Variants in MED13 observed in about 807,000 individuals in gnomAD.
The protein encoded by MED13 is mediator of RNA polymerase II transcription subunit 13.
A neutral mutation model predicts 225.2 loss-of-function variants in MED13; 23 were observed. That is an observed-to-expected ratio of 0.10 (90% confidence interval 0.07 to 0.14). MED13 has a LOEUF of 0.14. Ranked by LOEUF, MED13 falls within the 10% of genes least tolerant of loss-of-function variation. The pLI is 1.00. For missense variants in MED13, 2,197 were observed against 2,594.5 expected (o/e 0.85, Z 3.33); for synonymous variants, 942 against 889.2 (o/e 1.06, Z -1.06).
chr17:62,029,232 A>G, intron 8 of MED13: 1 of 249,294 alleles, frequency 4.0e-6, no homozygotes, highest in Non-Finnish European at 7.5e-6. Context: ...TTCTCAAGAG[A>G]TTTATATGGC....
intron 23 of MED13, among the ~76,000 whole-genome samples, chr17:61,960,387 C>T (rs1166939320): frequency 6.6e-6 from 1 of 152,104 alleles, no homozygotes; most frequent in Non-Finnish European, 1.5e-5. Context: ...TCTCCTGCCT[C>T]AGCCTCCTGA....
At chr17:62,033,039 ACT>A (rs1258443949) in intron 5 of MED13, among the ~76,000 whole-genome samples, 2 of 151,980 alleles carry the variant, frequency 1.3e-5, no homozygotes, top group African/African-American at 4.8e-5. Context: ...AATCCCAGCT[ACT>A]CTCAAGACTG....
intron 10 of MED13, among the ~76,000 whole-genome samples, chr17:61,993,847 C>T (rs1385537830): frequency 6.6e-6 from 1 of 151,782 alleles, no homozygotes; most frequent in Non-Finnish European, 1.5e-5. Context: ...AGGAGAATCA[C>T]TTGAATCAGG....
chr17:61,959,543 A>ATAAAGCT (rs1480199528), intron 23 of MED13, among the ~76,000 whole-genome samples: 1 of 152,154 alleles, frequency 6.6e-6, no homozygotes, highest in Non-Finnish European at 1.5e-5. Context: ...GGTTTATAAT[A>ATAAAGCT]TAAAGCTTAA....
rs769730058 is a variant in MED13, at chr17:61,956,464, C to T, written c.5498G>A (p.Ser1833Asn). Residue 1833 changes from serine (S) to asparagine (N), a missense_variant, in exon 24 of 30, where the codon AGT (serine) becomes AAT (asparagine). Transcript: ENST00000397786. ...CTGTAGACCAAATTTTCTAGCAGAA[C>T]TTTTTTTCCGACGAGCCCTATTGTG... ...DVPNRARRKK[S>N]SARKFGLQKL... is the part of the protein sequence containing the mutation. 1 of 1,611,918 alleles carries T rather than the reference C, an allele frequency of 6.2e-7. No homozygotes were observed. The highest frequency in any genetic ancestry group is 8.5e-7 in the Non-Finnish European group (1 of 1,179,304).
chr17:62,052,762 A>T, intron 2 of MED13, 57 bp from the exon 3 acceptor site: 1 of 1,318,252 alleles, frequency 7.6e-7, no homozygotes, highest in East Asian at 2.5e-5. Flanking sequence ...ATTCAGAGCC[A>T]AGTAAAAAAG....
intron 15 of MED13, 58 bp from the exon 16 acceptor site, chr17:61,983,172 T>C (rs555826481): frequency 2.1e-4 from 287 of 1,340,830 alleles, no homozygotes; most frequent in Non-Finnish European, 2.8e-4. Context: ...ATATTAGTAA[T>C]GTGAAATACA....
chr17:62,029,953 G>A lies in MED13; in HGVS notation c.1070C>T (p.Ser357Phe), dbSNP rs1219690250. Residue 357 changes from serine to phenylalanine, a missense_variant, in exon 7 of 30, where the codon TCC becomes TTC. Physicochemically the swap from Ser to Phe is radical, Grantham distance 155. Transcript: ENST00000397786. ...CCCACCATGGTGGCTAGTACTATCG[G>A]AGTTGAAGCCATCAGATACTGAAGA... ...KFSSVSDGFN[S>F]DSTSHHGGKI... 1.2e-6 allele frequency: 2 copies of A among 1,613,644 alleles called. No homozygotes were observed. The highest frequency in any genetic ancestry group is 1.1e-5 in the South Asian group (1 of 91,018).
rs1411838018 is a variant in MED13, at chr17:61,982,832, A to G, written c.3171T>C (p.Val1057=). Residue 1057 remains valine, a synonymous_variant, in exon 16 of 30, where the codon GTT becomes GTC. Coordinates refer to ENST00000397786, the MANE Select transcript of MED13 (RefSeq NM_005121.3). The part of the protein sequence containing the change: ...TPSTCRPLNS[V]EPATVPSIPE... ...GGATGGAAGGGACAGTTGCAGGTTC[A>G]ACAGAATTAAGGGGTCTGCATGTAG... 3.1e-6 allele frequency: 5 copies of G among 1,614,216 alleles called. No homozygotes were observed. Among genetic ancestry groups the G allele is most frequent in the Admixed American group, 1.7e-5 (1 of 60,026 alleles).
intron 8 of MED13, among the ~76,000 whole-genome samples, chr17:62,014,808 C>A (rs1470732687): frequency 1.3e-5 from 2 of 152,128 alleles, no homozygotes; most frequent in East Asian, 3.8e-4. Flanking sequence ...CTGTACCCAG[C>A]TGAGGAACTG....
At chr17:61,995,010 C>G in intron 10 of MED13, 142 bp downstream of exon 10, 1 of 686,212 alleles carries the variant, frequency 1.5e-6, no homozygotes, top group Non-Finnish European at 2.4e-6. Context: ...CGCAGCCGGG[C>G]AAAAATAAGT....
chr17:61,985,399 C>T (rs558012633), intron 12 of MED13, among the ~76,000 whole-genome samples: 3 of 152,194 alleles, frequency 2.0e-5, no homozygotes, highest in Admixed American at 2.0e-4. Flanking sequence ...AGAGGCCGGA[C>T]ATGGTAGCTC....
chr17:61,995,221 A>G lies in MED13; in HGVS notation c.2112T>C (p.Asp704=). The part of the protein sequence containing the change: ...KIDPYAFVEG[D]EEFLFPDKKD... The stretch of plus-strand genomic sequence containing the variant: ...TTTTATCAGGAAAAAGGAATTCCTC[A>G]TCTCCTTCAACAAATGCATATGGAT... The change falls in exon 10 of 30, where the codon GAT becomes GAC. Residue 704 remains aspartate, a synonymous_variant. Coordinates refer to ENST00000397786, the MANE Select transcript of MED13 (RefSeq NM_005121.3). 1 of 1,613,846 alleles carries G rather than the reference A, an allele frequency of 6.2e-7. No individual in the cohort carries two copies. Among genetic ancestry groups the G allele is most frequent in the Non-Finnish European group, 8.5e-7 (1 of 1,179,912 alleles).
chr17:61,951,391 C>A (rs1410146523), intron 27 of MED13, among the ~76,000 whole-genome samples: 3 of 152,154 alleles, frequency 2.0e-5, no homozygotes, highest in African/African-American at 7.2e-5. Context: ...CTTTGTTAAT[C>A]TAGCACTATC....
chr17:62,044,614 C>T (rs983113264), intron 3 of MED13, among the ~76,000 whole-genome samples: 2 of 152,172 alleles, frequency 1.3e-5, no homozygotes, highest in African/African-American at 2.4e-5. Context: ...TATATGTATA[C>T]ACATAATGTA....
intron 16 of MED13, among the ~76,000 whole-genome samples, chr17:61,978,581 A>G (rs902926609): frequency 6.6e-6 from 1 of 152,076 alleles, no homozygotes; most frequent in African/African-American, 2.4e-5. Context: ...TGTAAAGTAA[A>G]TCTATTATTG....
At chr17:62,065,099 G>T in intron 1 of MED13, 41 bp downstream of exon 1, 1 of 1,502,406 alleles carries the variant, frequency 6.7e-7, no homozygotes, top group Non-Finnish European at 8.9e-7. Flanking sequence ...GGCGCACCTC[G>T]CGGCCCCCCT....
intron 16 of MED13, among the ~76,000 whole-genome samples, chr17:61,980,790 T>A (rs1241446911): frequency 6.6e-6 from 1 of 152,170 alleles, no homozygotes; most frequent in African/African-American, 2.4e-5. Flanking sequence ...TTGCCCAGGC[T>A]GGAGTGCAGT....
intron 9 of MED13, among the ~76,000 whole-genome samples, chr17:62,009,382 AT>A (rs1199464286): frequency 6.6e-6 from 1 of 152,212 alleles, no homozygotes; most frequent in Non-Finnish European, 1.5e-5. Flanking sequence ...CATGCAAATA[AT>A]ACATCAGAAA....
Sources: gnomAD v4.1 joint callset for allele counts (sites outside exome capture counted in the v4.1 genomes callset) on GRCh38, gnomAD v4.1.1 for gene constraint, MANE v1.5 for transcripts, NCBI Gene and HGNC (gene_info 2026-07-23, HGNC 2026-07-21) for gene names.